Variants in ACVR1C observed in about 807,000 individuals in gnomAD.
ACVR1C encodes the protein activin receptor type-1C.
In ACVR1C, 23 loss-of-function variants were observed where a neutral mutation model predicts 57.9. The observed-to-expected ratio is 0.40, with a 90% CI of 0.29 to 0.56. The LOEUF (loss-of-function observed/expected upper bound fraction) is 0.56, where lower values mean the gene tolerates loss of function less well. ACVR1C is among the 20% of genes least tolerant of loss of function. The probability of loss-of-function intolerance (pLI) is 0.50; values close to 1 mark genes in which losing one functional copy is unlikely to be tolerated. For missense variants in ACVR1C, 480 were observed against 607.9 expected (o/e 0.79, Z 2.21); for synonymous variants, 214 against 215.3 (o/e 0.99, Z 0.05).
intron 2 of ACVR1C, among the ~76,000 whole-genome samples, chr2:157,558,953 T>G (rs1688172337): frequency 6.6e-6 from 1 of 152,244 alleles, no homozygotes; most frequent in Non-Finnish European, 1.5e-5. Flanking sequence ...ATTTAAAATG[T>G]GTTTTTAAAT....
chr2:157,533,936 T>C lies in ACVR1C; in HGVS notation c.1464A>G (p.Lys488=), dbSNP rs1184243257. 2 of 1,583,928 alleles carry C rather than the reference T, an allele frequency of 1.3e-6. No individual in the cohort carries two copies. Among genetic ancestry groups the C allele is most frequent in the African/African-American group, 2.8e-5 (2 of 72,520 alleles). Residue 488 remains lysine, a synonymous_variant, in exon 9 of 9, where the codon AAA becomes AAG. Coordinates refer to ENST00000243349, the MANE Select transcript of ACVR1C (RefSeq NM_145259.3). ...ATCATCATTAGGCTTTGCAGTCTTC[T>C]TTGACACAAAGTTGAGATATAGTCT... ...IKKTISQLCV[K]EDCKA
chr2:157,550,980 T>C (rs893875229), intron 3 of ACVR1C, among the ~76,000 whole-genome samples: 1 of 152,202 alleles, frequency 6.6e-6, no homozygotes, highest in African/African-American at 2.4e-5. Context: ...ATATCCTGAA[T>C]GTATGTATAA....
chr2:157,541,005 G>T, intron 7 of ACVR1C, 85 bp downstream of exon 7: 1 of 1,463,008 alleles, frequency 6.8e-7, no homozygotes, highest in Non-Finnish European at 9.3e-7. Flanking sequence ...TGAATATAGT[G>T]CTTAGGGGAA....
At chr2:157,559,407 G>C (rs114067516) in intron 2 of ACVR1C, among the ~76,000 whole-genome samples, 2,812 of 152,050 alleles carry the variant, frequency 0.018, 98 homozygotes, top group African/African-American at 0.064. Flanking sequence ...ATCCCTAGGG[G>C]GGATAAATGA....
In ACVR1C at chr2:157,565,301, T is replaced by A. The variant is rs77886248; in HGVS notation, c.305-8969A>T. On this transcript the variant is annotated intron_variant, in intron 2 of 8. Transcript: ENST00000243349. ...GTCACAAACATCAACTTTTTTTGTC[T>A]AGTCCTCCCGTGTGAATCTGCACTT... 1.4e-3 allele frequency among the ~76,000 whole-genome samples: 211 copies of A among 152,262 alleles called. 5 individuals are homozygous for A. The East Asian group carries it at 0.038, about 28-fold the overall frequency.
chr2:157,608,853 G>T lies in ACVR1C; in HGVS notation c.73+19719C>A, dbSNP rs1455547550. On this transcript the variant is annotated intron_variant, in intron 1 of 8. Coordinates refer to ENST00000243349, the MANE Select transcript of ACVR1C (RefSeq NM_145259.3). ...TGTTCACTTCTGATTTTGTTTATTT[G>T]TGTCTTCTCTTTTTTCTTAGTCTAG... 2.6e-5 allele frequency among the ~76,000 whole-genome samples: 4 copies of T among 151,658 alleles called. No individual in the cohort carries two copies. The East Asian group carries it at 7.7e-4, about 29-fold the overall frequency.
At chr2:157,576,587 T>A (rs917120455) in intron 2 of ACVR1C, among the ~76,000 whole-genome samples, 2 of 152,208 alleles carry the variant, frequency 1.3e-5, no homozygotes, top group African/African-American at 4.8e-5. Context: ...AAACTTGAAC[T>A]ATGGCTCCCA....
intron 1 of ACVR1C, among the ~76,000 whole-genome samples, chr2:157,608,045 C>A (rs182530063): frequency 9.2e-5 from 14 of 151,934 alleles, no homozygotes; most frequent in Admixed American, 8.5e-4. Flanking sequence ...TGAGAGTCAG[C>A]ATTCTTGTCT....
chr2:157,577,405 C>G (rs1688690098), intron 2 of ACVR1C, among the ~76,000 whole-genome samples: 1 of 151,966 alleles, frequency 6.6e-6, no homozygotes, highest in African/African-American at 2.4e-5. Context: ...CCTTATAGAT[C>G]TGTAAATATT....
chr2:157,527,674 G>T lies in ACVR1C; in HGVS notation c.*6244C>A, dbSNP rs1687259639. The stretch of plus-strand genomic sequence containing the variant: ...CACTAGTCATTGCGGAAAAGAACTA[G>T]AATTTAATATTTTGGCTCAGATACT... On this transcript the variant is annotated 3_prime_UTR_variant, in exon 9 of 9. Coordinates refer to ENST00000243349, the MANE Select transcript of ACVR1C (RefSeq NM_145259.3). The T allele has an allele frequency of 6.6e-6, 1 of 152,100 alleles. No individual in the cohort carries two copies. The highest frequency in any genetic ancestry group is 2.4e-5 in the African/African-American group (1 of 41,414). The allele number at this position is 152,100 out of a possible 1,614,324, so 9.4% of individuals were successfully genotyped here.
chr2:157,552,385 G>C (rs575587543), intron 3 of ACVR1C, among the ~76,000 whole-genome samples: 1 of 152,078 alleles, frequency 6.6e-6, no homozygotes, highest in Non-Finnish European at 1.5e-5. Flanking sequence ...CACCTGCCTC[G>C]GCCTCCCAAA....
At chr2:157,581,879 T>C (rs993078744) in intron 2 of ACVR1C, among the ~76,000 whole-genome samples, 1 of 152,224 alleles carries the variant, frequency 6.6e-6, no homozygotes, top group African/African-American at 2.4e-5. Flanking sequence ...TCCTGTTTTG[T>C]GATCACTTTG....
chr2:157,612,499 C>G (rs1461857625), intron 1 of ACVR1C, among the ~76,000 whole-genome samples: 1 of 152,226 alleles, frequency 6.6e-6, no homozygotes, highest in Non-Finnish European at 1.5e-5. Flanking sequence ...CACTCAGGCT[C>G]ACCCACCTCA....
chr2:157,537,195 T>C (rs972835363), intron 8 of ACVR1C, among the ~76,000 whole-genome samples: 61 of 152,118 alleles, frequency 4.0e-4, no homozygotes, highest in Non-Finnish European at 7.9e-4. Context: ...AAAATACATA[T>C]AGTAAAATTC....
chr2:157,613,999 G>A (rs116424477), intron 1 of ACVR1C, among the ~76,000 whole-genome samples: 3,224 of 152,168 alleles, frequency 0.021, 53 homozygotes, highest in Admixed American at 0.036. Flanking sequence ...AGACTTTTTT[G>A]TTAGATGTTT....
Position 157,527,105 on chromosome 2 carries a change from A to G in ACVR1C, c.*6813T>C, listed in dbSNP as rs1268308213. 2.0e-5 allele frequency: 3 copies of G among 152,174 alleles called. No individual in the cohort carries two copies. Among genetic ancestry groups the G allele is most frequent in the Non-Finnish European group, 2.9e-5 (2 of 68,024 alleles). 9.4% of individuals were successfully genotyped at this position (152,174 alleles called of 1,614,324 possible). ...CTATACATATTACTATAAAATGCAT[A>G]TTTTCACAGACTAGAAATTAATGAA... On this transcript the variant is annotated 3_prime_UTR_variant, in exon 9 of 9. Coordinates refer to ENST00000243349, the MANE Select transcript of ACVR1C (RefSeq NM_145259.3).
At chr2:157,535,504 A>T (rs1687460001) in intron 8 of ACVR1C, among the ~76,000 whole-genome samples, 1 of 152,228 alleles carries the variant, frequency 6.6e-6, no homozygotes, top group African/African-American at 2.4e-5. Context: ...AGAAAGTGAA[A>T]AAGTACCAAT....
chr2:157,582,448 T>G (rs941511002), intron 2 of ACVR1C, among the ~76,000 whole-genome samples: 1 of 152,040 alleles, frequency 6.6e-6, no homozygotes, highest in African/African-American at 2.4e-5. Context: ...ATGAACAGAC[T>G]AAAAAAGAAA....
chr2:157,621,544 A>C (rs1682771207), intron 1 of ACVR1C, among the ~76,000 whole-genome samples: 1 of 152,186 alleles, frequency 6.6e-6, no homozygotes, highest in Admixed American at 6.5e-5. Flanking sequence ...AAGAACAAGA[A>C]AAACAAGGGG....
Sources: gnomAD v4.1 joint callset for allele counts (sites outside exome capture counted in the v4.1 genomes callset) on GRCh38, gnomAD v4.1.1 for gene constraint, MANE v1.5 for transcripts, NCBI Gene and HGNC (gene_info 2026-07-23, HGNC 2026-07-21) for gene names.